FBXL5: variants seen among roughly 807,000 people sequenced by gnomAD.
FBXL5 encodes F-box/LRR-repeat protein 5.
In FBXL5, 26 loss-of-function variants were observed where a neutral mutation model predicts 78.3. The observed-to-expected ratio is 0.33, with a 90% CI of 0.24 to 0.46. FBXL5 has a LOEUF of 0.46. Ranked by LOEUF, FBXL5 falls within the 20% of genes least tolerant of loss-of-function variation. The pLI, the probability that FBXL5 is intolerant of heterozygous loss-of-function variation, is 1.00. For missense variants in FBXL5, 710 were observed against 829.2 expected (o/e 0.86, Z 1.77); for synonymous variants, 295 against 282.5 (o/e 1.04, Z -0.45).
chr4:15,670,664 A>G (rs1297336660), intron 1 of FBXL5, among the ~76,000 whole-genome samples: 3 of 151,830 alleles, frequency 2.0e-5, no homozygotes, highest in African/African-American at 7.3e-5. Flanking sequence ...ACACTGGGCA[A>G]TGTCAGGAGT....
chr4:15,670,641 C>G (rs1041347969), intron 1 of FBXL5, among the ~76,000 whole-genome samples: 2 of 152,116 alleles, frequency 1.3e-5, no homozygotes, highest in African/African-American at 2.4e-5. Context: ...GGGCCCCTCC[C>G]CCCACAAAAG....
At chr4:15,610,078 C>T (rs773850825) in intron 10 of FBXL5, among the ~76,000 whole-genome samples, 2 of 152,000 alleles carry the variant, frequency 1.3e-5, no homozygotes, top group African/African-American at 4.8e-5. Context: ...TCTAATACCA[C>T]GTATTAAAAC....
In FBXL5 at chr4:15,605,035, T is replaced by G. The variant is rs1258726859; in HGVS notation, c.*688A>C. On this transcript the variant is annotated 3_prime_UTR_variant, in exon 11 of 11. Coordinates refer to ENST00000341285, the MANE Select transcript of FBXL5 (RefSeq NM_012161.4). ...TTGGTAAAGTCCTCAAAGTAGATTT[T>G]ATTTATACATTTCTTCAAATGATTG... 1 of 152,634 alleles carries G rather than the reference T, an allele frequency of 6.6e-6. No homozygotes were observed. The highest frequency in any genetic ancestry group is 1.5e-5 in the Non-Finnish European group (1 of 68,048). The allele number at this position is 152,634 out of a possible 1,614,324, so 9.5% of individuals were successfully genotyped here.
intron 10 of FBXL5, 77 bp from the exon 11 acceptor site, chr4:15,605,876 T>C: frequency 6.9e-5 from 64 of 927,366 alleles, no homozygotes; most frequent in Middle Eastern, 2.1e-4. Context: ...ATGAAGGAGT[T>C]AAACATTCAT....
intron 5 of FBXL5, 33 bp downstream of exon 5, chr4:15,636,461 A>T (rs779180106): frequency 6.8e-5 from 98 of 1,446,342 alleles, no homozygotes; most frequent in Non-Finnish European, 6.4e-6. Flanking sequence ...CTAGAAAAAT[A>T]CATGAAAATA....
intron 9 of FBXL5, among the ~76,000 whole-genome samples, chr4:15,623,767 T>G (rs990152577): frequency 6.6e-6 from 1 of 152,272 alleles, no homozygotes; most frequent in East Asian, 1.9e-4. Context: ...GTTATACCAG[T>G]TACCTCGGGG....
At chr4:15,621,456 G>A (rs983863776) in intron 9 of FBXL5, among the ~76,000 whole-genome samples, 1 of 152,138 alleles carries the variant, frequency 6.6e-6, no homozygotes, top group Non-Finnish European at 1.5e-5. Context: ...ATATTTATAT[G>A]CCAACATTCA....
At chr4:15,624,040 G>A (rs1397636926) in intron 9 of FBXL5, among the ~76,000 whole-genome samples, 1 of 151,806 alleles carries the variant, frequency 6.6e-6, no homozygotes, top group African/African-American at 2.4e-5. Flanking sequence ...TAGCCAGGAC[G>A]GTCTCAATCT....
chr4:15,637,232 T>C (rs1560228864), intron 4 of FBXL5, among the ~76,000 whole-genome samples: 1 of 152,234 alleles, frequency 6.6e-6, no homozygotes, highest in Non-Finnish European at 1.5e-5. Flanking sequence ...ACTTCAGTTA[T>C]TTATGTTGCA....
chr4:15,651,470 A>C (rs1347001361), intron 1 of FBXL5, among the ~76,000 whole-genome samples: 1 of 152,168 alleles, frequency 6.6e-6, no homozygotes, highest in Non-Finnish European at 1.5e-5. Context: ...ATGTAGTAAG[A>C]ACTCATTAAA....
At chr4:15,613,761 C>T (rs1038616436) in intron 9 of FBXL5, among the ~76,000 whole-genome samples, 4 of 151,992 alleles carry the variant, frequency 2.6e-5, no homozygotes, top group African/African-American at 7.2e-5. Context: ...CTAAGTGTGT[C>T]CTTCATTTCC....
upstream of FBXL5, among the ~76,000 whole-genome samples, chr4:15,662,355 A>G (rs961031924): frequency 2.0e-5 from 3 of 151,472 alleles, no homozygotes; most frequent in African/African-American, 4.8e-5. Flanking sequence ...CAAATCATCT[A>G]TTCTGAGTTT....
chr4:15,631,770 T>A (rs1269542455), intron 5 of FBXL5, among the ~76,000 whole-genome samples: 8 of 152,150 alleles, frequency 5.3e-5, no homozygotes. Flanking sequence ...GGGTTGTTTT[T>A]TTTTCTTGTA....
Position 15,655,261 on chromosome 4 carries a change from G to C in FBXL5, c.27C>G (p.Asp9Glu). 1 of 1,439,442 alleles carries C rather than the reference G, an allele frequency of 6.9e-7. No individual in the cohort carries two copies. The highest frequency in any genetic ancestry group is 9.3e-7 in the Non-Finnish European group (1 of 1,076,956). 89.2% of individuals were successfully genotyped at this position (1,439,442 alleles called of 1,614,324 possible). A position where few individuals can be genotyped will look rare whatever the true frequency, so the allele number is the denominator to read the frequency against. Residue 9 changes from aspartate (D) to glutamate (E), a missense_variant, in exon 1 of 11, where the codon GAC becomes GAG. Asp to Glu is a conservative substitution (Grantham distance 45). This residue lies in a region of FBXL5 where 132 missense variants were observed against 156.9 expected (regional missense o/e 0.84). Coordinates refer to ENST00000341285, the MANE Select transcript of FBXL5 (RefSeq NM_012161.4). Reference protein sequence around the residue: MAPFPEEVDVFTAPHWRMK... With the variant: MAPFPEEVEVFTAPHWRMK... ...TCCGCCAGTGTGGGGCGGTGAAGAC[G>C]TCCACTTCTTCAGGAAAGGGCGCCA... is the stretch of plus-strand genomic sequence containing the variant.
chr4:15,628,494 A>C (rs1424250189), intron 6 of FBXL5, among the ~76,000 whole-genome samples: 1 of 152,126 alleles, frequency 6.6e-6, no homozygotes, highest in Non-Finnish European at 1.5e-5. Context: ...CCATGAAAAC[A>C]CCATAAACTC....
In FBXL5 at chr4:15,646,083, T is replaced by C. The variant is rs558854417; in HGVS notation, c.85-1375A>G. 6.6e-5 allele frequency among the ~76,000 whole-genome samples: 10 copies of C among 152,294 alleles called. No individual in the cohort carries two copies. In the South Asian group the frequency reaches 2.1e-3, roughly 32 times the overall value. The stretch of plus-strand genomic sequence containing the variant: ...AACTTTTCTATAAAAGGACAGGTAA[T>C]AAATATTTTAACTTTTGCAGGCCAT... On this transcript the variant is annotated intron_variant, in intron 1 of 10. Transcript: ENST00000341285.
chr4:15,636,725 C>A, intron 4 of FBXL5, 49 bp from the exon 5 acceptor site: 1 of 1,323,636 alleles, frequency 7.6e-7, no homozygotes, highest in Admixed American at 2.5e-5. Flanking sequence ...AGAGCATATG[C>A]AATAAGAAAT....
At chr4:15,622,251 C>T (rs935937740) in intron 9 of FBXL5, among the ~76,000 whole-genome samples, 2 of 152,172 alleles carry the variant, frequency 1.3e-5, no homozygotes, top group Non-Finnish European at 2.9e-5. Context: ...TATACCTGAA[C>T]ATTTCTATTC....
At chr4:15,656,450 T>C (rs1716955777), upstream of FBXL5, 6 of 368,160 alleles carry the variant, frequency 1.6e-5, no homozygotes, top group South Asian at 1.0e-4. Flanking sequence ...CCAGATATGC[T>C]GTGTTCACCC....
Sources: gnomAD v4.1 joint callset for allele counts (sites outside exome capture counted in the v4.1 genomes callset) on GRCh38, gnomAD v4.1.1 for gene constraint, gnomAD v4.1.1 regional missense constraint, MANE v1.5 for transcripts, NCBI Gene and HGNC (gene_info 2026-07-23, HGNC 2026-07-21) for gene names.